HERC2: variants seen among roughly 807,000 people sequenced by gnomAD.
The protein encoded by HERC2 is HECT and RLD domain containing E3 ubiquitin protein ligase 2, also known as E3 ubiquitin-protein ligase HERC2.
In HERC2, 102 loss-of-function variants were observed where a neutral mutation model predicts 537.7. The observed-to-expected ratio is 0.19, with a 90% CI of 0.16 to 0.22. The LOEUF is 0.22. Ranked by LOEUF, HERC2 falls within the 10% of genes least tolerant of loss-of-function variation. HERC2 has a pLI of 1.00. For missense variants in HERC2, 4,236 were observed against 6,198.2 expected (o/e 0.68, Z 10.63); for synonymous variants, 2,224 against 2,466.2 (o/e 0.90, Z 2.91).
In HERC2 at chr15:28,255,866, C is replaced by G; in HGVS notation, c.2871+6G>C. On this transcript the variant is annotated splice_donor_region_variant and intron_variant, in intron 19 of 92. Transcript: ENST00000261609. ...CACCAGGTCACGTGTGCCTCCAAAGCCATACCTGGATCTCTGCAGTAATGG... is the reference window on the plus strand; with the variant it reads ...CACCAGGTCACGTGTGCCTCCAAAGGCATACCTGGATCTCTGCAGTAATGG... The G allele has an allele frequency of 6.3e-7, 1 of 1,598,472 alleles. No individual in the cohort carries two copies. The highest frequency in any genetic ancestry group is 1.1e-5 in the South Asian group (1 of 90,980).
At chr15:28,119,723 G>A (rs1032055314) in intron 86 of HERC2, among the ~76,000 whole-genome samples, 3 of 152,032 alleles carry the variant, frequency 2.0e-5, no homozygotes, top group African/African-American at 4.8e-5. Flanking sequence ...CAAAGTGCTG[G>A]GATTACAGGC....
intron 78 of HERC2, among the ~76,000 whole-genome samples, chr15:28,137,219 G>C (rs1389250958): frequency 1.3e-5 from 2 of 152,174 alleles, no homozygotes; most frequent in Non-Finnish European, 2.9e-5. Context: ...TTGACACAGA[G>C]GGGCTATATT....
intron 20 of HERC2, among the ~76,000 whole-genome samples, chr15:28,249,404 C>T (rs1033379212): frequency 6.6e-6 from 1 of 152,110 alleles, no homozygotes; most frequent in African/African-American, 2.4e-5. Context: ...GTGACTTGAG[C>T]CATGAGCCAT....
Position 28,144,119 on chromosome 15 carries a change from G to C in HERC2, c.11257C>G (p.Leu3753Val). ...LASNRSIVPR[L>V]AASLAACAQL... Reference sequence around the variant, plus strand: ...GCACAAGCTGCCAGCGAGGCCGCAAGGCGAGGGACGATGCTTCTGTTAGAG... The same window carrying C: ...GCACAAGCTGCCAGCGAGGCCGCAACGCGAGGGACGATGCTTCTGTTAGAG... The change falls in exon 73 of 93, where the codon CTT (leucine) becomes GTT (valine). Residue 3753 changes from leucine (L) to valine (V), a missense_variant. Leu to Val is a conservative substitution (Grantham distance 32). Around this residue, in one of 27 missense-constraint regions of HERC2, gnomAD observed 109 missense variants for 133.5 expected, o/e 0.82. Transcript: ENST00000261609. 6.2e-7 allele frequency: 1 copy of C among 1,614,218 alleles called. No individual in the cohort carries two copies. Among genetic ancestry groups the C allele is most frequent in the South Asian group, 1.1e-5 (1 of 91,084 alleles).
intron 70 of HERC2, among the ~76,000 whole-genome samples, chr15:28,150,368 C>T (rs1162935076): frequency 6.7e-6 from 1 of 148,756 alleles, no homozygotes; most frequent in African/African-American, 2.5e-5. Flanking sequence ...TCACCGAGAA[C>T]AGCCGAATGA....
At position 28,265,476 on chromosome 15, in the gene HERC2, C is replaced by A. The variant is rs918249316; in HGVS notation, c.1870+142G>T. 1 of 657,884 alleles carries A rather than the reference C, an allele frequency of 1.5e-6. No homozygotes were observed. The highest frequency in any genetic ancestry group is 1.8e-5 in the African/African-American group (1 of 55,296). The allele number at this position is 657,884 out of a possible 1,614,324, so 40.8% of individuals were successfully genotyped here. On this transcript the variant is annotated intron_variant, in intron 14 of 92. Transcript: ENST00000261609. This position sits in a 1 kb window ranked among gnomAD's most constrained non-coding sequence, Gnocchi z 4.0. ...AGCCCAGTAACCACCCGGGCCTCTT[C>A]CCCAATGCCACTGAGCCCCACACCC...
chr15:28,246,866 C>T lies in HERC2; in HGVS notation c.3267G>A (p.Leu1089=). 1 of 1,610,484 alleles carries T rather than the reference C, an allele frequency of 6.2e-7. No homozygotes were observed. Among genetic ancestry groups the T allele is most frequent in the Non-Finnish European group, 8.5e-7 (1 of 1,178,826 alleles). Residue 1089 remains leucine, a synonymous_variant, in exon 22 of 93, where the codon CTG becomes CTA. Coordinates refer to ENST00000261609, the MANE Select transcript of HERC2 (RefSeq NM_004667.6). ...SPELMGVGSL[L]KKYTALLCTH... ...TGCACAGGAGGGCTGTGTACTTCTT[C>T]AGCAAGGAACCAACACCCATTAGCT...
chr15:28,246,928 C>T, intron 21 of HERC2, 31 bp from the exon 22 acceptor site: 1 of 1,589,222 alleles, frequency 6.3e-7, no homozygotes, highest in Non-Finnish European at 8.5e-7. Context: ...TTTTCATTTT[C>T]ACTACTAAAA....
intron 86 of HERC2, chr15:28,117,689 C>T (rs1003446478): frequency 1.6e-5 from 6 of 383,658 alleles, no homozygotes; most frequent in African/African-American, 1.3e-4. Flanking sequence ...TTCCCCACAT[C>T]TGCTTCCACC....
In HERC2 at chr15:28,176,694, G is replaced by A. The variant is rs140487401; in HGVS notation, c.9507C>T (p.Thr3169=). The A allele has an allele frequency of 3.0e-5, 49 of 1,613,780 alleles. 1 individual carries two copies. Among genetic ancestry groups the A allele is most frequent in the Admixed American group, 1.7e-4 (10 of 59,972 alleles). ...ATCCTGCCAGCCACTCACCTTCATC[G>A]GTCAGAGCCAGGGTCTGCGCGTCTC... ...GSRDAQTLAL[T]DEGLVFSWGD... Residue 3169 remains threonine (T), a synonymous_variant, in exon 62 of 93, where the codon ACC becomes ACT. Coordinates refer to ENST00000261609, the MANE Select transcript of HERC2 (RefSeq NM_004667.6). The surrounding 1 kb of genome is among the most constrained non-coding windows in gnomAD (Gnocchi z 5.0).
Position 28,163,109 on chromosome 15 carries a change from C to T in HERC2, c.10731G>A (p.Gly3577=). 6.2e-7 allele frequency: 1 copy of T among 1,610,256 alleles called. No individual in the cohort carries two copies. Among genetic ancestry groups the T allele is most frequent in the Non-Finnish European group, 8.5e-7 (1 of 1,179,696 alleles). The change falls in exon 69 of 93, where the codon GGG becomes GGA. Residue 3577 remains glycine (G), a synonymous_variant. Transcript: ENST00000261609. ...TGAGACTCACCTGTGGGTAGGCGGT[C>T]CCCATGCCGGAAAGCACCGCGGAGA... The part of the protein sequence containing the change: ...DVLSAVLSGM[G]TAYPQVADML...
At chr15:28,292,812 C>A in intron 4 of HERC2, 76 bp downstream of exon 4, 1 of 1,412,060 alleles carries the variant, frequency 7.1e-7, no homozygotes, top group South Asian at 1.3e-5. Flanking sequence ...CAAAAAAATA[C>A]TAAGAATCCA....
intron 37 of HERC2, among the ~76,000 whole-genome samples, chr15:28,219,434 G>A (rs1900281364): frequency 6.6e-6 from 1 of 152,232 alleles, no homozygotes; most frequent in Non-Finnish European, 1.5e-5. Context: ...ACTGGTGTCA[G>A]GCAGCATGCT....
At chr15:28,146,192 G>T in intron 71 of HERC2, 45 bp downstream of exon 71, 1 of 1,295,770 alleles carries the variant, frequency 7.7e-7, no homozygotes, top group Non-Finnish European at 1.1e-6. Context: ...TGTCTACGGA[G>T]ACACAGGTGG....
At chr15:28,224,059 T>A (rs1286049778) in intron 35 of HERC2, among the ~76,000 whole-genome samples, 5 of 151,870 alleles carry the variant, frequency 3.3e-5, no homozygotes, top group Admixed American at 2.0e-4. Flanking sequence ...CTTACTAGAT[T>A]ATTATTTTCA....
At position 28,321,792 on chromosome 15, in the gene HERC2, C is replaced by T. The variant is rs552871735; in HGVS notation, c.-32+283G>A. 2.2e-5 allele frequency among the ~76,000 whole-genome samples: 3 copies of T among 135,362 alleles called. 1 individual carries two copies. Among genetic ancestry groups the T allele is most frequent in the African/African-American group, 9.9e-5 (3 of 30,438 alleles). 88.8% of individuals were successfully genotyped at this position (135,362 alleles called of 152,430 possible). ...AGAAGTACACACACATAACAGGGAG[C>T]CCATCGTTTTAACGACAAATGACAG... On this transcript the variant is annotated intron_variant, in intron 1 of 92. Coordinates refer to ENST00000261609, the MANE Select transcript of HERC2 (RefSeq NM_004667.6).
chr15:28,182,091 T>C (rs1296259922), intron 57 of HERC2, among the ~76,000 whole-genome samples: 1 of 152,218 alleles, frequency 6.6e-6, no homozygotes, highest in Non-Finnish European at 1.5e-5. Flanking sequence ...ATTATTTTGT[T>C]CATGATAGTC....
intron 16 of HERC2, among the ~76,000 whole-genome samples, chr15:28,259,404 T>G (rs1316770904): frequency 6.6e-6 from 1 of 152,044 alleles, no homozygotes; most frequent in Non-Finnish European, 1.5e-5. Flanking sequence ...GTAAAATCTT[T>G]TAGAAAGCAA....
rs539910270 is a variant in HERC2 at position 28,244,063 on chromosome 15, G to A, written c.3577+1818C>T. 4.6e-5 allele frequency among the ~76,000 whole-genome samples: 7 copies of A among 152,122 alleles called. No individual in the cohort carries two copies. In the East Asian group the frequency reaches 9.7e-4, roughly 21 times the overall value. The stretch of plus-strand genomic sequence containing the variant: ...TGGTGGCGCATGCTTGCAGTCCCAC[G>A]CAGGTGGAAGGATCTGCTTGAGCCG... On this transcript the variant is annotated intron_variant, in intron 23 of 92. Coordinates refer to ENST00000261609, the MANE Select transcript of HERC2 (RefSeq NM_004667.6).
Sources: gnomAD v4.1 joint callset for allele counts (sites outside exome capture counted in the v4.1 genomes callset) on GRCh38, gnomAD v4.1.1 for gene constraint, gnomAD v4.1.1 regional missense constraint, Gnocchi (gnomAD v3.1) non-coding constraint, MANE v1.5 for transcripts, NCBI Gene and HGNC (gene_info 2026-07-23, HGNC 2026-07-21) for gene names.